Variants in CNIH3 observed in about 807,000 individuals in gnomAD.
CNIH3 encodes protein cornichon homolog 3.
A neutral mutation model predicts 24.1 loss-of-function variants in CNIH3; 14 were observed. That is an observed-to-expected ratio of 0.58 (90% confidence interval 0.38 to 0.91). CNIH3 has a LOEUF of 0.91. CNIH3 is among the 40% of genes least tolerant of loss of function. The probability of loss-of-function intolerance (pLI) is 0.00; values close to 1 mark genes in which losing one functional copy is unlikely to be tolerated. For synonymous variants in CNIH3, 68 were observed against 73.8 expected, an observed-to-expected ratio of 0.92 and a Z score of 0.40; for missense variants, 178 against 196.8, an observed-to-expected ratio of 0.90 and a Z score of 0.57.
intron 3 of CNIH3, among the ~76,000 whole-genome samples, chr1:224,725,365 G>C (rs1688967427): frequency 6.6e-6 from 1 of 152,194 alleles, no homozygotes; most frequent in South Asian, 2.1e-4. Context: ...GGTAAAATAA[G>C]ACTCAGCATG....
At chr1:224,601,645 G>A (rs1310824126) in intron 3 of CNIH3, among the ~76,000 whole-genome samples, 1 of 152,150 alleles carries the variant, frequency 6.6e-6, no homozygotes, top group Non-Finnish European at 1.5e-5. Flanking sequence ...ACTAGGATGA[G>A]AGCCCTCATG....
intron 3 of CNIH3, among the ~76,000 whole-genome samples, chr1:224,701,318 G>A (rs1189527511): frequency 6.6e-6 from 1 of 151,934 alleles, no homozygotes; most frequent in Non-Finnish European, 1.5e-5. Flanking sequence ...CAACACAAAT[G>A]TATCTCTCAC....
chr1:224,621,887 G>A (rs1374414820), intron 1 of CNIH3, among the ~76,000 whole-genome samples: 1 of 152,158 alleles, frequency 6.6e-6, no homozygotes, highest in East Asian at 1.9e-4. Flanking sequence ...CTGGTGGGAG[G>A]TAATTGAATC....
chr1:224,460,382 C>T (rs1306174111), intron 1 of CNIH3, among the ~76,000 whole-genome samples: 1 of 152,196 alleles, frequency 6.6e-6, no homozygotes, highest in Non-Finnish European at 1.5e-5. Flanking sequence ...AGGCCTCTTC[C>T]CCCTGAGAAA....
chr1:224,561,125 G>C (rs73115936), intron 3 of CNIH3, among the ~76,000 whole-genome samples: 1 of 151,984 alleles, frequency 6.6e-6, no homozygotes, highest in Non-Finnish European at 1.5e-5. Context: ...AATATAGTCT[G>C]GTTATGAGCC....
At chr1:224,711,794 CAAAAAAAA>C (rs11437581) in intron 3 of CNIH3, among the ~76,000 whole-genome samples, 1 of 65,670 alleles carries the variant, frequency 1.5e-5, no homozygotes, top group Admixed American at 1.7e-4. Flanking sequence ...GACCCTGTCT[CAAAAAAAA>C]AAAAAAAAAA....
intron 1 of CNIH3, among the ~76,000 whole-genome samples, chr1:224,449,761 T>C (rs1675314374): frequency 6.6e-6 from 1 of 152,196 alleles, no homozygotes; most frequent in Admixed American, 6.5e-5. Flanking sequence ...TAAAATCTAA[T>C]GTCCAGGTAC....
At chr1:224,653,198 G>A (rs1558256317) in intron 1 of CNIH3, among the ~76,000 whole-genome samples, 3 of 152,200 alleles carry the variant, frequency 2.0e-5, no homozygotes, top group Non-Finnish European at 4.4e-5. Context: ...TGAGGCAGGC[G>A]GATCACTTGA....
rs1689804722 is a variant in CNIH3 at position 224,740,305 on chromosome 1, T to A, written c.*949T>A. On this transcript the variant is annotated 3_prime_UTR_variant, in exon 6 of 6. Transcript: ENST00000272133. ...TTATTTAGAATTTTCCGTTTGGCAT[T>A]CTCTTTTGGGTGGGAGTTATGCTGG... 1 of 152,192 alleles carries A rather than the reference T, an allele frequency of 6.6e-6. No homozygotes were observed. Among genetic ancestry groups the A allele is most frequent in the Non-Finnish European group, 1.5e-5 (1 of 68,038 alleles). 9.4% of individuals were successfully genotyped at this position (152,192 alleles called of 1,614,324 possible). A position where few individuals can be genotyped will look rare whatever the true frequency, so the allele number is the denominator to read the frequency against.
intron 2 of CNIH3, among the ~76,000 whole-genome samples, chr1:224,534,844 G>C (rs1254548469): frequency 6.6e-6 from 1 of 152,140 alleles, no homozygotes; most frequent in South Asian, 2.1e-4. Flanking sequence ...CAATGAACAA[G>C]TCCCGGAGGT....
At chr1:224,457,699 A>G (rs1249024030) in intron 1 of CNIH3, among the ~76,000 whole-genome samples, 2 of 151,982 alleles carry the variant, frequency 1.3e-5, no homozygotes, top group Non-Finnish European at 2.9e-5. Flanking sequence ...ACTGTTGATA[A>G]CTCTGACACC....
chr1:224,564,953 G>C (rs1680521537), intron 3 of CNIH3, among the ~76,000 whole-genome samples: 1 of 152,228 alleles, frequency 6.6e-6, no homozygotes, highest in Non-Finnish European at 1.5e-5. Context: ...ACAGATGGTG[G>C]GCAGCTGTCA....
chr1:224,663,708 C>T (rs751699775), intron 1 of CNIH3, among the ~76,000 whole-genome samples: 5 of 152,210 alleles, frequency 3.3e-5, no homozygotes, highest in South Asian at 2.1e-4. Context: ...CCATTCCCCT[C>T]GTCTGGTACC....
At chr1:224,736,189 G>A (rs1689582383) in intron 5 of CNIH3, among the ~76,000 whole-genome samples, 1 of 152,040 alleles carries the variant, frequency 6.6e-6, no homozygotes, top group African/African-American at 2.4e-5. Context: ...ACAATGGCAG[G>A]ATCATAGCTT....
intron 3 of CNIH3, among the ~76,000 whole-genome samples, chr1:224,561,884 G>T (rs1680388203): frequency 6.6e-6 from 1 of 152,174 alleles, no homozygotes; most frequent in Non-Finnish European, 1.5e-5. Context: ...AGGGACAAAG[G>T]GCTGGGCTAA....
intron 3 of CNIH3, among the ~76,000 whole-genome samples, chr1:224,557,227 T>A (rs1302763307): frequency 1.3e-5 from 2 of 152,046 alleles, no homozygotes; most frequent in East Asian, 3.9e-4. Context: ...TTTTAGTTTT[T>A]TGTAGAGATA....
At position 224,569,122 on chromosome 1, in the gene CNIH3, C is replaced by A. The variant is rs569779336; in HGVS notation, n.516+2858C>A. 1.2e-4 allele frequency among the ~76,000 whole-genome samples: 18 copies of A among 152,348 alleles called. 1 individual carries two copies. The Middle Eastern group carries it at 0.017, about 144-fold the overall frequency. Reference sequence around the variant, plus strand: ...ACCTCAGGTGATCTGCCCGTCTCGGCCTCCCAAAGTGGTGGGATTACAGGC... The same window carrying A: ...ACCTCAGGTGATCTGCCCGTCTCGGACTCCCAAAGTGGTGGGATTACAGGC... On this transcript the variant is annotated intron_variant and non_coding_transcript_variant, in intron 4 of 5. Coordinates refer to the CNIH3 transcript ENST00000471578.
chr1:224,714,006 G>T (rs1483841296), intron 3 of CNIH3, among the ~76,000 whole-genome samples: 3 of 152,006 alleles, frequency 2.0e-5, no homozygotes, highest in Non-Finnish European at 4.4e-5. Flanking sequence ...GTAGAGATGG[G>T]ATTTCACCAT....
intron 4 of CNIH3, chr1:224,574,337 G>T (rs1238604876): frequency 9.8e-6 from 3 of 307,648 alleles, no homozygotes; most frequent in Non-Finnish European, 1.8e-5. Flanking sequence ...ATTAGACCAG[G>T]CATTCTTAAA....
Sources: allele counts gnomAD v4.1 joint callset (sites outside exome capture counted in the v4.1 genomes callset), GRCh38; gene constraint gnomAD v4.1.1; transcripts MANE v1.5; gene names NCBI Gene and HGNC (gene_info 2026-07-23, HGNC 2026-07-21).